Variants in TMEM217B observed in about 807,000 individuals in gnomAD.
TMEM217B encodes the protein transmembrane protein 217B, also known as putative transmembrane protein 217B.
chr6:37,218,169 C>T, the TMEM217B span: 15 of 1,014,452 alleles, frequency 1.5e-5, no homozygotes, highest in South Asian at 1.2e-4. Flanking sequence ...AAGCTGCTAA[C>T]TTTTTTTTTT....
chr6:37,240,281 G>C, the TMEM217B span, among the ~76,000 whole-genome samples: 1 of 152,218 alleles, frequency 6.6e-6, no homozygotes, highest in Non-Finnish European at 1.5e-5. Context: ...CAGGGCTGCT[G>C]TCAAGCTGTT....
At chr6:37,235,295 T>C in the TMEM217B span, among the ~76,000 whole-genome samples, 9 of 152,354 alleles carry the variant, frequency 5.9e-5, no homozygotes, top group South Asian at 1.9e-3. Context: ...ATATCTGTCT[T>C]AGACCATTTA....
chr6:37,254,796 G>A, the TMEM217B span, among the ~76,000 whole-genome samples: 22 of 152,298 alleles, frequency 1.4e-4, no homozygotes, highest in African/African-American at 5.1e-4. Context: ...GATCTCTAGG[G>A]CAGTAGTCCC....
chr6:37,228,764 G>C, the TMEM217B span, among the ~76,000 whole-genome samples: 5 of 151,922 alleles, frequency 3.3e-5, no homozygotes, highest in Non-Finnish European at 5.9e-5. Context: ...TTGGGAGGCC[G>C]AGGCAGGCGG....
chr6:37,258,020 C>T, the TMEM217B span: 1 of 1,595,492 alleles, frequency 6.3e-7, no homozygotes, highest in Non-Finnish European at 8.6e-7. Flanking sequence ...CCAAACCCTT[C>T]CAGATCCTAA....
At chr6:37,215,711 G>T in the TMEM217B span, among the ~76,000 whole-genome samples, 4 of 152,030 alleles carry the variant, frequency 2.6e-5, no homozygotes, top group Admixed American at 2.6e-4. Context: ...CATTGGATGA[G>T]AATCAGGGGA....
the TMEM217B span, among the ~76,000 whole-genome samples, chr6:37,252,611 GTGTGTGTATATA>G: frequency 0.018 from 1,671 of 91,186 alleles, 83 homozygotes; most frequent in East Asian, 0.06. Flanking sequence ...GTGTGTGTAT[GTGTGTGTATATA>G]TATATATATA....
chr6:37,255,515 T>C, the TMEM217B span, among the ~76,000 whole-genome samples: 1 of 151,998 alleles, frequency 6.6e-6, no homozygotes, highest in Admixed American at 6.6e-5. Flanking sequence ...AAACTTCATC[T>C]CTACAAAAAT....
chr6:37,228,387 C>T, the TMEM217B span, among the ~76,000 whole-genome samples: 2 of 152,198 alleles, frequency 1.3e-5, no homozygotes, highest in African/African-American at 4.8e-5. Context: ...GCAATTTTCA[C>T]AAGAGTGAAA....
the TMEM217B span, among the ~76,000 whole-genome samples, chr6:37,230,776 A>C: frequency 6.6e-6 from 1 of 152,184 alleles, no homozygotes; most frequent in African/African-American, 2.4e-5. Flanking sequence ...AATTCTGCTT[A>C]ACACAGTTAA....
At chr6:37,256,425 C>T in the TMEM217B span, among the ~76,000 whole-genome samples, 1 of 152,014 alleles carries the variant, frequency 6.6e-6, no homozygotes, top group Non-Finnish European at 1.5e-5. Flanking sequence ...GTCACTGCAT[C>T]CTAAGAAAAA....
At chr6:37,219,051 C>CA in the TMEM217B span, 1 of 1,602,634 alleles carries the variant, frequency 6.2e-7, no homozygotes, top group Non-Finnish European at 8.5e-7. Flanking sequence ...CCTGTGAAGA[C>CA]AAACAACATG....
At chr6:37,231,184 C>G in the TMEM217B span, among the ~76,000 whole-genome samples, 1 of 150,560 alleles carries the variant, frequency 6.6e-6, no homozygotes, top group Non-Finnish European at 1.5e-5. Flanking sequence ...CTCAGCCTTG[C>G]AAGTAGCTGG....
chr6:37,220,061 G>C, the TMEM217B span, among the ~76,000 whole-genome samples: 1 of 152,172 alleles, frequency 6.6e-6, no homozygotes, highest in Non-Finnish European at 1.5e-5. Context: ...CAAGAAGTTA[G>C]AGGGAAAATA....
At chr6:37,230,387 C>T in the TMEM217B span, among the ~76,000 whole-genome samples, 1 of 152,152 alleles carries the variant, frequency 6.6e-6, no homozygotes, top group Non-Finnish European at 1.5e-5. Flanking sequence ...GAATTGTGCC[C>T]CTCGTCACCA....
the TMEM217B span, among the ~76,000 whole-genome samples, chr6:37,237,328 C>T: frequency 6.6e-6 from 1 of 152,164 alleles, no homozygotes; most frequent in East Asian, 1.9e-4. Context: ...TCCCTCAGTC[C>T]TGCAACATTC....
the TMEM217B span, among the ~76,000 whole-genome samples, chr6:37,256,586 C>A: frequency 6.6e-6 from 1 of 152,116 alleles, no homozygotes; most frequent in Admixed American, 6.5e-5. Context: ...TCCTATAATT[C>A]TTAAATTAGG....
At chr6:37,226,422 A>G in the TMEM217B span, among the ~76,000 whole-genome samples, 2 of 147,002 alleles carry the variant, frequency 1.4e-5, no homozygotes, top group African/African-American at 2.5e-5. Context: ...CCTCCCAAGT[A>G]GCTGGGACTA....
At chr6:37,247,706 A>C in the TMEM217B span, among the ~76,000 whole-genome samples, 21 of 152,236 alleles carry the variant, frequency 1.4e-4, 1 homozygote, top group Admixed American at 1.4e-3. Flanking sequence ...AACTACCACA[A>C]TGGACAACAG....
Sources: gnomAD v4.1 joint callset for allele counts (sites outside exome capture counted in the v4.1 genomes callset) on GRCh38, gnomAD v4.1.1 for gene constraint, MANE v1.5 for transcripts, NCBI Gene and HGNC (gene_info 2026-07-23, HGNC 2026-07-21) for gene names.